The following KAT6A variants were observed in gnomAD, a reference collection of about 807,000 sequenced individuals.
The protein encoded by KAT6A is lysine acetyltransferase 6A.
In KAT6A, 9 loss-of-function variants were observed where a neutral mutation model predicts 198.4. The ratio of observed to expected loss-of-function variants is 0.05; its 90% CI spans 0.03 to 0.08. The LOEUF (loss-of-function observed/expected upper bound fraction) is 0.08, where lower values mean the gene tolerates loss of function less well. Among genes scored for constraint, KAT6A ranks in the 10% least tolerant of loss-of-function variants. The pLI, the probability that KAT6A is intolerant of heterozygous loss-of-function variation, is 1.00. For missense variants in KAT6A, 2,077 were observed against 2,509.9 expected (o/e 0.83, Z 3.69); for synonymous variants, 890 against 883.0 (o/e 1.01, Z -0.14).
At position 41,974,765 on chromosome 8, in the gene KAT6A, T is replaced by C. The variant is rs1823965427; in HGVS notation, c.1421A>G (p.Gln474Arg). 2 of 1,610,608 alleles carry C rather than the reference T, an allele frequency of 1.2e-6. No homozygotes were observed. The highest frequency in any genetic ancestry group is 8.5e-7 in the Non-Finnish European group (1 of 1,178,320). The change falls in exon 8 of 17, where the codon CAG becomes CGG. Residue 474 changes from glutamine to arginine, a missense_variant. This residue lies in a region of KAT6A where 206 missense variants were observed against 214.9 expected (regional missense o/e 0.96). Transcript: ENST00000265713. ...CATATCTTTCTCAGTCATGATTTCC[T>C]GGCTCCCAAAAAGTCGCTCCTCATT... ...QENEERLFGS[Q>R]EIMTEKDMEL... is the part of the protein sequence containing the mutation.
chr8:41,940,805 A>G, intron 15 of KAT6A, 37 bp downstream of exon 15: 1 of 1,575,614 alleles, frequency 6.3e-7, no homozygotes, highest in East Asian at 2.2e-5. Context: ...ATAAACTGGA[A>G]TTGGAGGAAG....
chr8:41,981,905 C>T lies in KAT6A; in HGVS notation c.759G>A (p.Lys253=). ...KFSPELTVRV[K]ALRWQCIECK... is the part of the protein sequence containing the mutation. Reference sequence around the variant, plus strand: ...ACTCGATGCACTGCCACCGTAAGGCCTTCACTCGAACCGTTAGTTCAGGGG... The same window carrying T: ...ACTCGATGCACTGCCACCGTAAGGCTTTCACTCGAACCGTTAGTTCAGGGG... Residue 253 remains lysine (K), a synonymous_variant, in exon 4 of 17, where the codon AAG becomes AAA. Coordinates refer to ENST00000265713, the MANE Select transcript of KAT6A (RefSeq NM_006766.5). The T allele has an allele frequency of 1.2e-6, 2 of 1,614,038 alleles. No individual in the cohort carries two copies. The highest frequency in any genetic ancestry group is 1.7e-6 in the Non-Finnish European group (2 of 1,179,948).
chr8:41,978,575 G>C, intron 6 of KAT6A, 67 bp downstream of exon 6: 1 of 1,495,724 alleles, frequency 6.7e-7, no homozygotes, highest in Non-Finnish European at 9.1e-7. Flanking sequence ...GAGAAAACAA[G>C]TGAATCCTAC....
chr8:41,934,306 G>C lies in KAT6A; in HGVS notation c.3914C>G (p.Ala1305Gly). ...GTCGTCATTCTGGGCAGTCTCTGCAGCTGCATCTTCCTCCTCCTCTGGCTC... is the reference window on the plus strand; with the variant it reads ...GTCGTCATTCTGGGCAGTCTCTGCACCTGCATCTTCCTCCTCCTCTGGCTC... ...EPEPEEEEDA[A>G]AETAQNDDHD... The change falls in exon 17 of 17, where the codon GCT becomes GGT. Residue 1305 changes from alanine to glycine, a missense_variant. Around this residue, in one of 13 missense-constraint regions of KAT6A, gnomAD observed 375 missense variants for 383.0 expected, o/e 0.98. Coordinates refer to ENST00000265713, the MANE Select transcript of KAT6A (RefSeq NM_006766.5). The C allele has an allele frequency of 6.2e-7, 1 of 1,614,076 alleles. No homozygotes were observed. Among genetic ancestry groups the C allele is most frequent in the Non-Finnish European group, 8.5e-7 (1 of 1,180,020 alleles).
chr8:42,032,671 A>G (rs1285332870), intron 2 of KAT6A, among the ~76,000 whole-genome samples: 1 of 152,200 alleles, frequency 6.6e-6, no homozygotes, highest in African/African-American at 2.4e-5. Context: ...GAGCTTACAC[A>G]GCACATTAAC....
chr8:41,933,328 C>A lies in KAT6A; in HGVS notation c.4892G>T (p.Ser1631Ile). Reference sequence around the variant, plus strand: ...CACGCAGCTCTGAGGTGACTTGATGCTGCAGTTGGCAGCAGGCTGGACGCT... The same window carrying A: ...CACGCAGCTCTGAGGTGACTTGATGATGCAGTTGGCAGCAGGCTGGACGCT... ...QSSVQPAANCSIKSPQSCVVE... is the reference protein window; with the variant it reads ...QSSVQPAANCIIKSPQSCVVE... The change falls in exon 17 of 17, where the codon AGC (serine) becomes ATC (isoleucine). Residue 1631 changes from serine to isoleucine, a missense_variant. Physicochemically the swap from Ser to Ile is moderately radical, Grantham distance 142 (BLOSUM62 -2). Transcript: ENST00000265713. This position sits in a 1 kb window ranked among gnomAD's most constrained non-coding sequence, Gnocchi z 6.2. 1 of 1,574,482 alleles carries A rather than the reference C, an allele frequency of 6.4e-7. No individual in the cohort carries two copies. The highest frequency in any genetic ancestry group is 1.7e-5 in the Admixed American group (1 of 58,178).
chr8:41,997,367 C>A (rs1309398119), intron 2 of KAT6A, among the ~76,000 whole-genome samples: 1 of 151,832 alleles, frequency 6.6e-6, no homozygotes, highest in Non-Finnish European at 1.5e-5. Flanking sequence ...TATGTTAAAT[C>A]TGGTATGCAG....
At chr8:41,977,544 T>C in intron 6 of KAT6A, 1 of 438,026 alleles carries the variant, frequency 2.3e-6, no homozygotes, top group Non-Finnish European at 4.0e-6. Flanking sequence ...GTGCAAAGAA[T>C]GACAGGCCAG....
chr8:41,941,430 C>G lies in KAT6A; in HGVS notation c.2451G>C (p.Val817=). Residue 817 remains valine (V), a synonymous_variant, in exon 15 of 17, where the codon GTG becomes GTC. Transcript: ENST00000265713. ...RELEISVGKS[V]SHENKEQDSY... is the part of the protein sequence containing the mutation. ...AATCTTGTTCTTTGTTCTCATGAGA[C>G]ACAGACTTTCCCACCTGATTTTAGA... 6.3e-7 allele frequency: 1 copy of G among 1,588,304 alleles called. No homozygotes were observed. The highest frequency in any genetic ancestry group is 8.5e-7 in the Non-Finnish European group (1 of 1,172,324).
intron 2 of KAT6A, among the ~76,000 whole-genome samples, chr8:42,019,932 G>C (rs1826449039): frequency 6.6e-6 from 1 of 151,844 alleles, no homozygotes; most frequent in South Asian, 2.1e-4. Flanking sequence ...CAAGACAAAT[G>C]ACAATCACAT....
chr8:42,051,404 A>ACCCGAG (rs917231245), intron 1 of KAT6A, among the ~76,000 whole-genome samples: 17 of 150,560 alleles, frequency 1.1e-4, no homozygotes, highest in African/African-American at 2.9e-4. Flanking sequence ...CGGAGCCGGA[A>ACCCGAG]CCCGAGCCCG....
chr8:42,034,106 A>G (rs1048687487), intron 2 of KAT6A, among the ~76,000 whole-genome samples: 3 of 152,166 alleles, frequency 2.0e-5, no homozygotes, highest in Non-Finnish European at 2.9e-5. Flanking sequence ...ATTTATGAGG[A>G]AGAAAAAATG....
chr8:42,003,025 G>T (rs527789369), intron 2 of KAT6A, among the ~76,000 whole-genome samples: 1 of 152,042 alleles, frequency 6.6e-6, no homozygotes, highest in Non-Finnish European at 1.5e-5. Context: ...CTTCTCTACC[G>T]GGCCTTATGA....
intron 8 of KAT6A, among the ~76,000 whole-genome samples, chr8:41,961,083 C>A (rs185587825): frequency 2.6e-5 from 4 of 152,340 alleles, no homozygotes; most frequent in Admixed American, 2.6e-4. Flanking sequence ...CTCTCCCGTT[C>A]TGAAAGACAA....
chr8:41,955,135 G>A (rs1486833342), intron 9 of KAT6A, among the ~76,000 whole-genome samples, 161 bp downstream of exon 9: 1 of 152,158 alleles, frequency 6.6e-6, no homozygotes, highest in Non-Finnish European at 1.5e-5. Context: ...AGCAAACTGG[G>A]ATGAAGTGGC....
intron 8 of KAT6A, among the ~76,000 whole-genome samples, chr8:41,970,975 A>G (rs989290243): frequency 3.3e-5 from 5 of 152,162 alleles, no homozygotes; most frequent in African/African-American, 4.8e-5. Context: ...TGTAAGGACA[A>G]AAAAACCAAA....
intron 2 of KAT6A, among the ~76,000 whole-genome samples, chr8:41,995,356 AG>A (rs1825145855): frequency 6.6e-6 from 1 of 152,156 alleles, no homozygotes; most frequent in African/African-American, 2.4e-5. Context: ...TTTGAGGCAG[AG>A]GGCACCAATA....
chr8:41,946,483 T>G, intron 12 of KAT6A, 108 bp downstream of exon 12: 1 of 310,432 alleles, frequency 3.2e-6, no homozygotes, highest in South Asian at 5.7e-5. Context: ...AATCTTTAAA[T>G]ATATATATAT....
chr8:41,953,036 C>A (rs892400738), intron 9 of KAT6A, among the ~76,000 whole-genome samples: 2 of 152,146 alleles, frequency 1.3e-5, no homozygotes, highest in Non-Finnish European at 2.9e-5. Context: ...CTGCTTTCTA[C>A]TGGTTCCTAT....
Sources: gnomAD v4.1 joint callset for allele counts (sites outside exome capture counted in the v4.1 genomes callset) on GRCh38, gnomAD v4.1.1 for gene constraint, gnomAD v4.1.1 regional missense constraint, Gnocchi (gnomAD v3.1) non-coding constraint, MANE v1.5 for transcripts, NCBI Gene and HGNC (gene_info 2026-07-23, HGNC 2026-07-21) for gene names.